FBXO46: variants seen among roughly 807,000 people sequenced by gnomAD.
The protein encoded by FBXO46 is F-box only protein 46.
In FBXO46, 13 loss-of-function variants were observed where a neutral mutation model predicts 30.7. That is an observed-to-expected ratio of 0.42 (90% confidence interval 0.28 to 0.67). FBXO46 has a LOEUF of 0.67. FBXO46 is among the 30% of genes least tolerant of loss of function. FBXO46 has a pLI of 0.21. For synonymous variants in FBXO46, 467 were observed against 385.8 expected, an observed-to-expected ratio of 1.21 and a Z score of -2.47; for missense variants, 754 against 871.5, an observed-to-expected ratio of 0.87 and a Z score of 1.70.
chr19:45,712,291 G>A lies in FBXO46; in HGVS notation c.1205C>T (p.Pro402Leu), dbSNP rs1967990919. Residue 402 changes from proline (P) to leucine (L), a missense_variant, in exon 2 of 2, where the codon CCG (proline) becomes CTG (leucine). Pro to Leu is a moderately conservative substitution (Grantham distance 98). Coordinates refer to ENST00000317683, the MANE Select transcript of FBXO46 (RefSeq NM_001080469.2). This position sits in a 1 kb window ranked among gnomAD's most constrained non-coding sequence, Gnocchi z 8.8. Reference sequence around the variant, plus strand: ...AAAGAAGAGCTGGCCCGGAGGCGGCGGTTCCTCCGGGCTGACCGTCAGGCA... The same window carrying A: ...AAAGAAGAGCTGGCCCGGAGGCGGCAGTTCCTCCGGGCTGACCGTCAGGCA... ...TVCLTVSPEEPPPPGQLFFLQ... is the reference protein window; with the variant it reads ...TVCLTVSPEELPPPGQLFFLQ... 1.2e-6 allele frequency: 2 copies of A among 1,602,476 alleles called. No individual in the cohort carries two copies. The highest frequency in any genetic ancestry group is 8.5e-7 in the Non-Finnish European group (1 of 1,179,568).
At chr19:45,722,217 C>T (rs1968182534) in intron 1 of FBXO46, among the ~76,000 whole-genome samples, 1 of 152,124 alleles carries the variant, frequency 6.6e-6, no homozygotes, top group Non-Finnish European at 1.5e-5. Context: ...CACTGGGTCC[C>T]CTCCCTTTTA....
intron 1 of FBXO46, among the ~76,000 whole-genome samples, chr19:45,725,916 G>A (rs1047778605): frequency 2.6e-5 from 4 of 152,010 alleles, no homozygotes; most frequent in Non-Finnish European, 5.9e-5. Context: ...CTATCACCCA[G>A]GCTATAGTGC....
rs1351578118 is a variant in FBXO46, at chr19:45,711,488, C to T, written c.*196G>A. On this transcript the variant is annotated 3_prime_UTR_variant, in exon 2 of 2. Coordinates refer to ENST00000317683, the MANE Select transcript of FBXO46 (RefSeq NM_001080469.2). ...TCTCAGAGGGTCCACGGCCCTGGTT[C>T]TGAAGAGTAGAAAATCAACAGGATC... 2.9e-6 allele frequency: 2 copies of T among 698,520 alleles called. No homozygotes were observed. The highest frequency in any genetic ancestry group is 1.8e-5 in the African/African-American group (1 of 56,938). The allele number at this position is 698,520 out of a possible 1,614,324, so 43.3% of individuals were successfully genotyped here.
chr19:45,711,650 G>T lies in FBXO46; in HGVS notation c.*34C>A. 6.8e-7 allele frequency: 1 copy of T among 1,477,394 alleles called. No individual in the cohort carries two copies. Among genetic ancestry groups the T allele is most frequent in the Non-Finnish European group, 9.1e-7 (1 of 1,094,302 alleles). 91.5% of individuals were successfully genotyped at this position (1,477,394 alleles called of 1,614,324 possible). ...CTCCCGGGGGGAGAGGGGAGGGGTG[G>T]GCGTGGTGGGCTCTCCCCTCCCCTC... is the stretch of plus-strand genomic sequence containing the variant. On this transcript the variant is annotated 3_prime_UTR_variant, in exon 2 of 2. Coordinates refer to ENST00000317683, the MANE Select transcript of FBXO46 (RefSeq NM_001080469.2).
intron 1 of FBXO46, chr19:45,717,484 G>A (rs546821631): frequency 6.6e-6 from 1 of 152,420 alleles, no homozygotes; most frequent in African/African-American, 2.4e-5. Flanking sequence ...CCTTGGCGAA[G>A]GGGCCCAACT....
rs73042371 is a variant in FBXO46 at position 45,718,429 on chromosome 19, C to T, written c.-78-4856G>A. Among the ~76,000 whole-genome samples the T allele has an allele frequency of 7.2e-3, 1,101 of 152,084 alleles. 8 individuals carry two copies. Among genetic ancestry groups the T allele is most frequent in the Middle Eastern group, 0.051 (15 of 294 alleles). Reference sequence around the variant, plus strand: ...CACCCCTCCTCTAAGAAGCTGACACCCCCAATCCCCCTAGGCCAGGTCAGG... The same window carrying T: ...CACCCCTCCTCTAAGAAGCTGACACTCCCAATCCCCCTAGGCCAGGTCAGG... On this transcript the variant is annotated intron_variant, in intron 1 of 1. Transcript: ENST00000317683.
At chr19:45,729,665 T>G (rs974596252) in intron 1 of FBXO46, among the ~76,000 whole-genome samples, 3 of 152,228 alleles carry the variant, frequency 2.0e-5, no homozygotes, top group African/African-American at 7.2e-5. Flanking sequence ...AATTTCTCTG[T>G]ACTTCTGCTT....
chr19:45,719,538 A>G (rs549322851), intron 1 of FBXO46, among the ~76,000 whole-genome samples: 2 of 152,320 alleles, frequency 1.3e-5, no homozygotes, highest in African/African-American at 4.8e-5. Context: ...GGAAAACAAC[A>G]TATTTCTAAG....
At chr19:45,729,613 G>A (rs535841337) in intron 1 of FBXO46, among the ~76,000 whole-genome samples, 1 of 152,356 alleles carries the variant, frequency 6.6e-6, no homozygotes, top group South Asian at 2.1e-4. Context: ...TCGGAATCCT[G>A]AGTCTAGCAA....
Position 45,713,071 on chromosome 19 carries a change from TTGG to T in FBXO46, c.422_424del (p.Thr141del). The T allele has an allele frequency of 6.3e-7, 1 of 1,584,294 alleles. No individual in the cohort carries two copies. Among genetic ancestry groups the T allele is most frequent in the Middle Eastern group, 1.9e-4 (1 of 5,342 alleles). ...CCGGCCCCCTGGGTCAGGAGGAGCCTTGGTGGGGTCAAGACAGCGCCTCCGCCG... is the reference window on the plus strand; with the variant it reads ...CCGGCCCCCTGGGTCAGGAGGAGCCTTGGGGTCAAGACAGCGCCTCCGCCG... On this transcript the variant is annotated inframe_deletion, in exon 2 of 2. Coordinates refer to ENST00000317683, the MANE Select transcript of FBXO46 (RefSeq NM_001080469.2). The surrounding 1 kb of genome is among the most constrained non-coding windows in gnomAD (Gnocchi z 4.7).
Position 45,711,648 on chromosome 19 carries a change from T to C in FBXO46, c.*36A>G. 6.8e-7 allele frequency: 1 copy of C among 1,461,532 alleles called. No individual in the cohort carries two copies. The highest frequency in any genetic ancestry group is 9.2e-7 in the Non-Finnish European group (1 of 1,082,148). 90.5% of individuals were successfully genotyped at this position (1,461,532 alleles called of 1,614,324 possible). Reference sequence around the variant, plus strand: ...GGCTCCCGGGGGGAGAGGGGAGGGGTGGGCGTGGTGGGCTCTCCCCTCCCC... The same window carrying C: ...GGCTCCCGGGGGGAGAGGGGAGGGGCGGGCGTGGTGGGCTCTCCCCTCCCC... On this transcript the variant is annotated 3_prime_UTR_variant, in exon 2 of 2. Coordinates refer to ENST00000317683, the MANE Select transcript of FBXO46 (RefSeq NM_001080469.2).
At chr19:45,732,610 T>TTTC (rs1568551429), upstream of FBXO46, among the ~76,000 whole-genome samples, 2 of 112,334 alleles carry the variant, frequency 1.8e-5, no homozygotes, top group Non-Finnish European at 3.4e-5. Flanking sequence ...TTTTTTTTTT[T>TTTC]TGAGACAGAG....
At chr19:45,728,561 C>A (rs139377636) in intron 1 of FBXO46, among the ~76,000 whole-genome samples, 1 of 152,300 alleles carries the variant, frequency 6.6e-6, no homozygotes, top group African/African-American at 2.4e-5. Context: ...CAGGGCCAGG[C>A]GTGGTGGCTC....
At chr19:45,720,461 G>A (rs560499545) in intron 1 of FBXO46, among the ~76,000 whole-genome samples, 1 of 151,980 alleles carries the variant, frequency 6.6e-6, no homozygotes, top group South Asian at 2.1e-4. Flanking sequence ...TAGAGACAGG[G>A]TTTCACCATG....
chr19:45,717,260 C>G (rs1968106443), intron 1 of FBXO46: 1 of 152,132 alleles, frequency 6.6e-6, no homozygotes, highest in East Asian at 1.9e-4. Context: ...CCAAAGAGCC[C>G]TCACCCGCAG....
At chr19:45,731,798 G>A (rs1968318391), upstream of FBXO46, among the ~76,000 whole-genome samples, 1 of 151,530 alleles carries the variant, frequency 6.6e-6, no homozygotes. Flanking sequence ...CAGCCTGGGC[G>A]ACAGAATGAG....
chr19:45,717,982 TCA>T (rs1341677282), intron 1 of FBXO46, among the ~76,000 whole-genome samples: 1 of 152,114 alleles, frequency 6.6e-6, no homozygotes, highest in African/African-American at 2.4e-5. Flanking sequence ...CAAACCTGCC[TCA>T]CTTAGTACAA....
intron 1 of FBXO46, among the ~76,000 whole-genome samples, chr19:45,727,556 C>CA (rs146129707): frequency 0.014 from 1,411 of 101,998 alleles, 8 homozygotes; most frequent in Non-Finnish European, 0.018. Flanking sequence ...GACTCTGTCT[C>CA]AAAAAAAAAA....
intron 1 of FBXO46, among the ~76,000 whole-genome samples, chr19:45,718,140 T>C (rs1447537349): frequency 6.6e-6 from 1 of 152,048 alleles, no homozygotes; most frequent in Non-Finnish European, 1.5e-5. Flanking sequence ...TCCCCACTCC[T>C]CCGCCCCGCA....
Sources: allele counts gnomAD v4.1 joint callset (sites outside exome capture counted in the v4.1 genomes callset), GRCh38; gene constraint gnomAD v4.1.1; non-coding constraint Gnocchi (gnomAD v3.1); transcripts MANE v1.5; gene names NCBI Gene and HGNC (gene_info 2026-07-23, HGNC 2026-07-21).